Variants in CAMK4 observed in about 807,000 individuals in gnomAD.
CAMK4 encodes the protein calcium/calmodulin-dependent protein kinase type IV.
In CAMK4, 22 loss-of-function variants were observed where a neutral mutation model predicts 44.9. That is an observed-to-expected ratio of 0.49 (90% CI 0.35 to 0.70). CAMK4 has a LOEUF of 0.70. CAMK4 is among the 30% of genes least tolerant of loss of function. The pLI is 0.01. For synonymous variants in CAMK4, 218 were observed against 215.4 expected (o/e 1.01, Z -0.11); for missense variants, 498 against 586.8 (o/e 0.85, Z 1.56).
intron 1 of CAMK4, among the ~76,000 whole-genome samples, chr5:111,310,262 A>G (rs886747568): frequency 2.6e-5 from 4 of 152,316 alleles, no homozygotes; most frequent in South Asian, 2.1e-4. Context: ...TCTAGTAAAC[A>G]TCCAATGTGT....
At chr5:111,341,188 C>G (rs1354777286) in intron 1 of CAMK4, among the ~76,000 whole-genome samples, 1 of 151,208 alleles carries the variant, frequency 6.6e-6, no homozygotes, top group East Asian at 1.9e-4. Context: ...TTTCAAAGAG[C>G]AGACATTCTT....
At chr5:111,236,745 T>C (rs1748747265) in intron 1 of CAMK4, among the ~76,000 whole-genome samples, 1 of 152,230 alleles carries the variant, frequency 6.6e-6, no homozygotes, top group Admixed American at 6.5e-5. Context: ...CTCCAGTGTT[T>C]ATGGTCTTAC....
intron 2 of CAMK4, among the ~76,000 whole-genome samples, chr5:111,349,716 C>G (rs996142646): frequency 2.0e-5 from 3 of 151,756 alleles, no homozygotes; most frequent in African/African-American, 7.3e-5. Flanking sequence ...GGAGTATATA[C>G]CTCAGAGTGT....
intron 7 of CAMK4, among the ~76,000 whole-genome samples, chr5:111,467,373 CAAAAAAAA>C (rs34201915): frequency 6.5e-4 from 32 of 49,502 alleles, no homozygotes; most frequent in Non-Finnish European, 2.8e-4. Flanking sequence ...TTCTGCATAG[CAAAAAAAA>C]AAAAAAAAAA....
chr5:111,338,651 A>AC (rs1749510253), intron 1 of CAMK4, among the ~76,000 whole-genome samples: 1 of 151,304 alleles, frequency 6.6e-6, no homozygotes, highest in African/African-American at 2.4e-5. Flanking sequence ...TATATGGTGA[A>AC]AGGGAGGGTC....
At chr5:111,279,274 G>GT (rs1750904248) in intron 1 of CAMK4, among the ~76,000 whole-genome samples, 1 of 152,120 alleles carries the variant, frequency 6.6e-6, no homozygotes, top group African/African-American at 2.4e-5. Flanking sequence ...AGGGACCTGG[G>GT]TTTCCGGCCC....
At chr5:111,461,892 A>G (rs1754657879) in intron 7 of CAMK4, among the ~76,000 whole-genome samples, 1 of 151,468 alleles carries the variant, frequency 6.6e-6, no homozygotes, top group South Asian at 2.1e-4. Flanking sequence ...AGTCAGGTTC[A>G]GGCTTTTAGA....
chr5:111,224,590 G>T lies in CAMK4; in HGVS notation c.107G>T (p.Gly36Val), dbSNP rs1215922691. Residue 36 changes from glycine (G) to valine (V), a missense_variant, in exon 1 of 11, where the codon GGC becomes GTC. Gly to Val is a moderately radical substitution (Grantham distance 109). Around this residue, in one of 3 missense-constraint regions of CAMK4, gnomAD observed 152 missense variants for 143.7 expected, o/e 1.06. Coordinates refer to ENST00000282356, the MANE Select transcript of CAMK4 (RefSeq NM_001744.6). This position sits in a 1 kb window ranked among gnomAD's most constrained non-coding sequence, Gnocchi z 5.7. Reference sequence around the variant, plus strand: ...CTCGTCCCGGATTACTGGATCGACGGCTCCAACAGGGATGCGCTGAGCGAT... The same window carrying T: ...CTCGTCCCGGATTACTGGATCGACGTCTCCAACAGGGATGCGCTGAGCGAT... Reference protein sequence around the residue: ...ASLVPDYWIDGSNRDALSDFF... With the variant: ...ASLVPDYWIDVSNRDALSDFF... The T allele has an allele frequency of 6.2e-7, 1 of 1,612,114 alleles. No individual in the cohort carries two copies. The highest frequency in any genetic ancestry group is 1.7e-5 in the Admixed American group (1 of 59,932).
In CAMK4 at chr5:111,260,526, A is replaced by G. The variant is rs79045575; in HGVS notation, c.161+35882A>G. On this transcript the variant is annotated intron_variant, in intron 1 of 10. Coordinates refer to ENST00000282356, the MANE Select transcript of CAMK4 (RefSeq NM_001744.6). ...CTTGTCTTCCTATATTTTCAGTTAT[A>G]ACCCAGTGTTCTTGTCTTAAATATG... is the stretch of plus-strand genomic sequence containing the variant. Among the ~76,000 whole-genome samples the G allele has an allele frequency of 5.4e-3, 828 of 152,210 alleles. 7 individuals carry two copies. Among genetic ancestry groups the G allele is most frequent in the African/African-American group, 0.019 (790 of 41,518 alleles).
intron 6 of CAMK4, among the ~76,000 whole-genome samples, chr5:111,448,403 A>T (rs1754104381): frequency 6.6e-6 from 1 of 152,238 alleles, no homozygotes; most frequent in Non-Finnish European, 1.5e-5. Flanking sequence ...AATAAATTGA[A>T]GATTCTGGAT....
At chr5:111,430,143 G>T (rs1168562715) in intron 5 of CAMK4, among the ~76,000 whole-genome samples, 1 of 152,046 alleles carries the variant, frequency 6.6e-6, no homozygotes, top group Non-Finnish European at 1.5e-5. Flanking sequence ...TTTATCCCTG[G>T]GATACAAGGA....
In CAMK4 at chr5:111,355,568, T is replaced by C. The variant is rs1202415592; in HGVS notation, c.240+11466T>C. 5.4e-5 allele frequency among the ~76,000 whole-genome samples: 8 copies of C among 149,204 alleles called. No homozygotes were observed. In the East Asian group the frequency reaches 6.0e-4, roughly 11 times the overall value. On this transcript the variant is annotated intron_variant, in intron 2 of 10. Coordinates refer to ENST00000282356, the MANE Select transcript of CAMK4 (RefSeq NM_001744.6). The stretch of plus-strand genomic sequence containing the variant: ...GCACAATGTGCAGGTTAGTTACATA[T>C]GTATACATGTGCCATGCTGGTGTGC...
At chr5:111,251,483 A>T (rs892307716) in intron 1 of CAMK4, among the ~76,000 whole-genome samples, 2 of 152,210 alleles carry the variant, frequency 1.3e-5, no homozygotes, top group African/African-American at 4.8e-5. Flanking sequence ...TCCTAACAAG[A>T]CATGTCCAGT....
chr5:111,280,685 C>CT (rs1750972829), intron 1 of CAMK4, among the ~76,000 whole-genome samples: 3 of 152,280 alleles, frequency 2.0e-5, no homozygotes, highest in East Asian at 1.9e-4. Context: ...GTGTAAATCT[C>CT]TGAGATGTGG....
At position 111,486,500 on chromosome 5, in the gene CAMK4, A is replaced by AAAACACACACAC. The variant is rs1215025263; in HGVS notation, c.*2035_*2036insAACACACACACA. 1 of 103,578 alleles carries AAAACACACACAC rather than the reference A, an allele frequency of 9.7e-6. No homozygotes were observed. The highest frequency in any genetic ancestry group is 3.4e-5 in the African/African-American group (1 of 29,420). 6.4% of individuals were successfully genotyped at this position (103,578 alleles called of 1,614,324 possible). Reference sequence around the variant, plus strand: ...GTTGTACTTTTTACCATGAGACTGAAACACACACACACACACACACACACA... The same window carrying AAAACACACACAC: ...GTTGTACTTTTTACCATGAGACTGAAAAACACACACACACACACACACACACACACACACACA... On this transcript the variant is annotated 3_prime_UTR_variant, in exon 11 of 11. Coordinates refer to ENST00000282356, the MANE Select transcript of CAMK4 (RefSeq NM_001744.6).
At chr5:111,466,774 C>T (rs1409857463) in intron 7 of CAMK4, among the ~76,000 whole-genome samples, 1 of 152,070 alleles carries the variant, frequency 6.6e-6, no homozygotes, top group East Asian at 1.9e-4. Context: ...ATTGTCAAAG[C>T]AATCTACAAA....
chr5:111,433,577 G>GA (rs2112944809), intron 5 of CAMK4, among the ~76,000 whole-genome samples: 1 of 152,292 alleles, frequency 6.6e-6, no homozygotes, highest in East Asian at 1.9e-4. Flanking sequence ...TACCCAGAAC[G>GA]AAAGGAAGGA....
At chr5:111,427,083 A>C (rs970818117) in intron 5 of CAMK4, among the ~76,000 whole-genome samples, 1 of 152,004 alleles carries the variant, frequency 6.6e-6, no homozygotes, top group Non-Finnish European at 1.5e-5. Context: ...ACTCCAAAAG[A>C]CACCCCTTCC....
At chr5:111,447,478 A>G (rs895226989) in intron 6 of CAMK4, among the ~76,000 whole-genome samples, 2 of 152,228 alleles carry the variant, frequency 1.3e-5, no homozygotes, top group Non-Finnish European at 2.9e-5. Context: ...ATTTTTACCA[A>G]TAAGCATTTT....
Sources: allele counts gnomAD v4.1 joint callset (sites outside exome capture counted in the v4.1 genomes callset), GRCh38; gene constraint gnomAD v4.1.1; regional missense constraint gnomAD v4.1.1; non-coding constraint Gnocchi (gnomAD v3.1); transcripts MANE v1.5; gene names NCBI Gene and HGNC (gene_info 2026-07-23, HGNC 2026-07-21).